RFC4: variants seen among roughly 807,000 people sequenced by gnomAD.
RFC4 encodes the protein replication factor C subunit 4.
In RFC4, 38 loss-of-function variants were observed where a neutral mutation model predicts 47.6. The observed-to-expected ratio is 0.80, with a 90% CI of 0.62 to 1.05. The LOEUF is 1.05. Ranked by LOEUF, RFC4 falls within the 50% of genes least tolerant of loss-of-function variation. The probability of loss-of-function intolerance (pLI) is 0.00; values close to 1 mark genes in which losing one functional copy is unlikely to be tolerated. For missense variants in RFC4, 489 were observed against 434.0 expected (o/e 1.13, Z -1.13); for synonymous variants, 164 against 150.0 (o/e 1.09, Z -0.68).
rs3917099 is a variant in RFC4 at position 186,804,435 on chromosome 3, G to T, written c.131+148C>A. 5.9e-3 allele frequency: 3,998 copies of T among 677,628 alleles called. 130 individuals are homozygous for T. The African/African-American group carries it at 0.066, about 11-fold the overall frequency. 42.0% of individuals were successfully genotyped at this position (677,628 alleles called of 1,614,324 possible). On this transcript the variant is annotated intron_variant, in intron 2 of 10. Coordinates refer to ENST00000296273, the MANE Select transcript of RFC4 (RefSeq NM_002916.5). ...GGTAACTTTAGTTCCAGGGTTCTAT[G>T]ACTTATATAAGTGGGTGATTTTTTT... is the stretch of plus-strand genomic sequence containing the variant.
At chr3:186,790,687 A>C (rs1722093054) in intron 8 of RFC4, among the ~76,000 whole-genome samples, 1 of 152,164 alleles carries the variant, frequency 6.6e-6, no homozygotes, top group African/African-American at 2.4e-5. Flanking sequence ...GATGAAGATT[A>C]AGTTTTCCCC....
At chr3:186,794,468 C>T (rs918624719) in intron 5 of RFC4, among the ~76,000 whole-genome samples, 190 bp downstream of exon 5, 1 of 152,166 alleles carries the variant, frequency 6.6e-6, no homozygotes, top group African/African-American at 2.4e-5. Context: ...AATCCTGGAC[C>T]TTTGCCACCT....
chr3:186,803,596 C>T (rs1039205693), intron 2 of RFC4, among the ~76,000 whole-genome samples: 3 of 151,362 alleles, frequency 2.0e-5, no homozygotes, highest in Non-Finnish European at 4.4e-5. Flanking sequence ...TTCTGCCTCC[C>T]AGGTTCAAGT....
chr3:186,791,914 A>T (rs1722149787), intron 7 of RFC4, 64 bp from the exon 8 acceptor site: 16 of 1,397,442 alleles, frequency 1.1e-5, no homozygotes, highest in South Asian at 2.6e-5. Context: ...CTTTAATTTT[A>T]AAATGTTTAA....
At chr3:186,801,710 C>CAAAAAAA (rs34281312) in intron 2 of RFC4, among the ~76,000 whole-genome samples, 32 of 72,906 alleles carry the variant, frequency 4.4e-4, no homozygotes, top group African/African-American at 1.7e-3. Context: ...GACTCTGTCT[C>CAAAAAAA]AAAAAAAAAA....
chr3:186,803,342 C>T (rs1021679273), intron 2 of RFC4, among the ~76,000 whole-genome samples: 2 of 150,914 alleles, frequency 1.3e-5, no homozygotes, highest in African/African-American at 4.9e-5. Flanking sequence ...GAATCTGTCC[C>T]AAAAAAACAA....
At position 186,790,401 on chromosome 3, in the gene RFC4, T is replaced by C. The variant is rs138352089; in HGVS notation, c.807A>G (p.Ile269Met). The change falls in exon 9 of 11, where the codon ATA (isoleucine) becomes ATG (methionine). Residue 269 changes from isoleucine (I) to methionine (M), a missense_variant. This residue lies in a region of RFC4 where 283 missense variants were observed against 176.2 expected (regional missense o/e 1.61). Coordinates refer to ENST00000296273, the MANE Select transcript of RFC4 (RefSeq NM_002916.5). ...ATACTCCATCAATTTTCTCAGCTGG[T>C]ATTACCTAGGTAATTGAATGTTCGG... ...EKVITDIAGV[I>M]PAEKIDGVFA... 4 of 1,609,632 alleles carry C rather than the reference T, an allele frequency of 2.5e-6. No individual in the cohort carries two copies. Among genetic ancestry groups the C allele is most frequent in the Non-Finnish European group, 3.4e-6 (4 of 1,176,006 alleles).
chr3:186,792,423 AG>A (rs1276285255), intron 7 of RFC4, 66 bp downstream of exon 7: 5 of 1,417,706 alleles, frequency 3.5e-6, no homozygotes, highest in Admixed American at 1.8e-5. Flanking sequence ...TAAATCTTTC[AG>A]GGCCTCTTTA....
chr3:186,806,153 A>G (rs1185487134), intron 1 of RFC4, 137 bp downstream of exon 1: 1 of 152,236 alleles, frequency 6.6e-6, no homozygotes, highest in Non-Finnish European at 1.5e-5. Flanking sequence ...CGGAACCACC[A>G]TTTCACCAAA....
At chr3:186,801,730 A>AAAAAAAAAAAAAAAAAAAAG (rs1348449105) in intron 2 of RFC4, among the ~76,000 whole-genome samples, 7 of 149,942 alleles carry the variant, frequency 4.7e-5, no homozygotes, top group African/African-American at 1.5e-4. Context: ...AAAAAAAAAA[A>AAAAAAAAAAAAAAAAAAAAG]AGAAATTAAA....
chr3:186,801,883 C>A (rs909884296), intron 2 of RFC4, among the ~76,000 whole-genome samples: 2 of 151,110 alleles, frequency 1.3e-5, no homozygotes, highest in Non-Finnish European at 2.9e-5. Context: ...ATTAGCCGGG[C>A]ATGGTGGTGC....
Position 186,806,368 on chromosome 3 carries a change from G to A in RFC4, c.-90C>T, listed in dbSNP as rs1722480322. On this transcript the variant is annotated 5_prime_UTR_variant, in exon 1 of 11. Coordinates refer to ENST00000296273, the MANE Select transcript of RFC4 (RefSeq NM_002916.5). ...TCCGCGATACAAAAAGGACGAGATGGTCTCGAAGTCTTAGCTCCGTCACCT... is the reference window on the plus strand; with the variant it reads ...TCCGCGATACAAAAAGGACGAGATGATCTCGAAGTCTTAGCTCCGTCACCT... 1.3e-5 allele frequency: 2 copies of A among 152,298 alleles called. No homozygotes were observed. The highest frequency in any genetic ancestry group is 1.3e-4 in the Admixed American group (2 of 15,284). 9.4% of individuals were successfully genotyped at this position (152,298 alleles called of 1,614,324 possible).
chr3:186,791,579 C>T, intron 8 of RFC4, 146 bp downstream of exon 8: 1 of 752,148 alleles, frequency 1.3e-6, no homozygotes, highest in Non-Finnish European at 2.4e-6. Context: ...TCACCTCAAA[C>T]ACTCTGATAC....
chr3:186,803,279 G>T (rs189165833), intron 2 of RFC4, among the ~76,000 whole-genome samples: 36 of 152,078 alleles, frequency 2.4e-4, no homozygotes, highest in African/African-American at 8.4e-4. Context: ...GGAGGCAGAG[G>T]TTGCAGTGAG....
At chr3:186,794,606 T>TA (rs552964852) in intron 5 of RFC4, 52 bp downstream of exon 5, 191 of 1,556,320 alleles carry the variant, frequency 1.2e-4, no homozygotes, top group Middle Eastern at 6.8e-4. Context: ...ATGGCAGAAA[T>TA]ACATATTTAA....
At chr3:186,801,648 T>C (rs1332510405) in intron 2 of RFC4, among the ~76,000 whole-genome samples, 3 of 147,304 alleles carry the variant, frequency 2.0e-5, no homozygotes, top group African/African-American at 7.6e-5. Flanking sequence ...GAGGCAGAGC[T>C]TGCAGTGAGC....
At chr3:186,803,080 C>A (rs999937374) in intron 2 of RFC4, among the ~76,000 whole-genome samples, 8 of 152,174 alleles carry the variant, frequency 5.3e-5, no homozygotes, top group African/African-American at 1.9e-4. Flanking sequence ...CAGTGACTCA[C>A]GCCTGTAATC....
intron 7 of RFC4, 78 bp downstream of exon 7, chr3:186,792,412 T>C: frequency 7.5e-7 from 1 of 1,336,194 alleles, no homozygotes; most frequent in Non-Finnish European, 1.1e-6. Flanking sequence ...CAACACACAT[T>C]TAAATCTTTC....
Position 186,792,865 on chromosome 3 carries a change from G to A in RFC4, c.493C>T (p.Arg165Cys), listed in dbSNP as rs745488881. The change falls in exon 6 of 11, where the codon CGT becomes TGT. Residue 165 changes from arginine (R) to cysteine (C), a missense_variant. Arg to Cys is a radical substitution (Grantham distance 180, BLOSUM62 -3). This residue lies in a region of RFC4 where 206 missense variants were observed against 257.8 expected (regional missense o/e 0.80). Coordinates refer to ENST00000296273, the MANE Select transcript of RFC4 (RefSeq NM_002916.5). ...MTSAAQAALR[R>C]TMEKESKTTR... ...GTTTTCGACTCCTTCTCCATGGTACGTCTTAAAGCTGCCTGAGCAGCTGAG... is the reference window on the plus strand; with the variant it reads ...GTTTTCGACTCCTTCTCCATGGTACATCTTAAAGCTGCCTGAGCAGCTGAG... 14 of 1,613,788 alleles carry A rather than the reference G, an allele frequency of 8.7e-6. No homozygotes were observed. Among genetic ancestry groups the A allele is most frequent in the Middle Eastern group, 3.3e-4 (2 of 6,084 alleles).
Sources: allele counts gnomAD v4.1 joint callset (sites outside exome capture counted in the v4.1 genomes callset), GRCh38; gene constraint gnomAD v4.1.1; regional missense constraint gnomAD v4.1.1; transcripts MANE v1.5; gene names NCBI Gene and HGNC (gene_info 2026-07-23, HGNC 2026-07-21).